The following PCDH9 variants were observed in gnomAD, a reference collection of about 807,000 sequenced individuals.
The protein encoded by PCDH9 is protocadherin 9.
Under a neutral mutation model 70.6 loss-of-function variants are expected in PCDH9, and 24 were observed. That is an observed-to-expected ratio of 0.34 (90% CI 0.25 to 0.48). The LOEUF is 0.48. PCDH9 is among the 20% of genes least tolerant of loss of function. The probability of loss-of-function intolerance (pLI) is 0.99; values close to 1 mark genes in which losing one functional copy is unlikely to be tolerated. For missense variants in PCDH9, 1,281 were observed against 1,503.6 expected (o/e 0.85, Z 2.45); for synonymous variants, 562 against 558.5 (o/e 1.01, Z -0.09).
intron 2 of PCDH9, among the ~76,000 whole-genome samples, chr13:66,961,793 C>T (rs569922262): frequency 6.6e-6 from 1 of 151,990 alleles, no homozygotes; most frequent in South Asian, 2.1e-4. Context: ...TGGCTCATAC[C>T]TGTAATCCCA....
intron 2 of PCDH9, chr13:67,219,680 G>A (rs112549396): frequency 9.2e-5 from 14 of 152,068 alleles, no homozygotes; most frequent in African/African-American, 3.4e-4. Context: ...CTGATATAAT[G>A]GTTAGGGTCC....
At chr13:67,120,790 A>G (rs2086861295) in intron 2 of PCDH9, among the ~76,000 whole-genome samples, 1 of 152,128 alleles carries the variant, frequency 6.6e-6, no homozygotes, top group Non-Finnish European at 1.5e-5. Flanking sequence ...ACACTTTCTC[A>G]TTTATGGACT....
chr13:66,387,471 C>T (rs1447546837), intron 4 of PCDH9, among the ~76,000 whole-genome samples: 1 of 151,764 alleles, frequency 6.6e-6, no homozygotes, highest in Non-Finnish European at 1.5e-5. Flanking sequence ...GGCAGATCCC[C>T]CATGAACGGC....
chr13:66,403,683 A>G (rs1253282088), intron 4 of PCDH9, among the ~76,000 whole-genome samples: 1 of 152,168 alleles, frequency 6.6e-6, no homozygotes, highest in Non-Finnish European at 1.5e-5. Context: ...ACAAAGAATA[A>G]TAGGATCACT....
intron 4 of PCDH9, among the ~76,000 whole-genome samples, chr13:66,560,911 C>T (rs762493198): frequency 6.6e-6 from 1 of 152,186 alleles, no homozygotes; most frequent in Non-Finnish European, 1.5e-5. Context: ...TAGCAGTCCT[C>T]ACAGCCCTGG....
intron 2 of PCDH9, among the ~76,000 whole-genome samples, chr13:66,966,485 A>G (rs1343491753): frequency 6.6e-6 from 1 of 152,124 alleles, no homozygotes; most frequent in Admixed American, 6.6e-5. Flanking sequence ...GAGGCTGCCA[A>G]TAAGGAGGAT....
chr13:66,599,505 A>G (rs1237053706), intron 4 of PCDH9, among the ~76,000 whole-genome samples: 1 of 151,826 alleles, frequency 6.6e-6, no homozygotes, highest in Non-Finnish European at 1.5e-5. Flanking sequence ...TAATTACATT[A>G]TACATCAATT....
chr13:66,513,025 C>T (rs111924743), intron 4 of PCDH9, among the ~76,000 whole-genome samples: 3 of 151,950 alleles, frequency 2.0e-5, no homozygotes, highest in East Asian at 1.9e-4. Flanking sequence ...TGCCATGTTC[C>T]GCAAGCTGGT....
intron 3 of PCDH9, among the ~76,000 whole-genome samples, chr13:66,871,136 G>T (rs1594182759): frequency 6.8e-6 from 1 of 147,932 alleles, no homozygotes; most frequent in African/African-American, 2.5e-5. Context: ...ACTATCGCAA[G>T]AACAAAAAAC....
intron 4 of PCDH9, among the ~76,000 whole-genome samples, chr13:66,338,207 T>G (rs1271830001): frequency 1.3e-5 from 2 of 152,044 alleles, no homozygotes; most frequent in African/African-American, 4.8e-5. Flanking sequence ...GGTGTCCAAT[T>G]AACACATTCC....
chr13:66,934,858 C>A (rs1594281618), intron 2 of PCDH9, among the ~76,000 whole-genome samples: 1 of 147,206 alleles, frequency 6.8e-6, no homozygotes. Flanking sequence ...GTAGCTGGGA[C>A]TACAGGCGCC....
In PCDH9 at chr13:67,127,700, G is replaced by GTGTA. The variant is rs1555310069; in HGVS notation, c.3036+97704_3036+97705insTACA. On this transcript the variant is annotated intron_variant, in intron 2 of 4. Transcript: ENST00000377865. Reference sequence around the variant, plus strand: ...TATGTGTGTGTGTGTGTGTGTGTGTGTATGTGTGTGTGTGTACATATGTAT... The same window carrying GTGTA: ...TATGTGTGTGTGTGTGTGTGTGTGTGTGTATATGTGTGTGTGTGTACATATGTAT... Among the ~76,000 whole-genome samples the GTGTA allele has an allele frequency of 1.1e-3, 160 of 150,994 alleles. 1 individual carries two copies. Among genetic ancestry groups the GTGTA allele is most frequent in the African/African-American group, 3.6e-3 (150 of 41,152 alleles).
intron 3 of PCDH9, among the ~76,000 whole-genome samples, chr13:66,888,108 C>T (rs1163262455): frequency 2.6e-5 from 4 of 152,180 alleles, no homozygotes; most frequent in Admixed American, 6.5e-5. Flanking sequence ...TCACTTGCAT[C>T]TCAGTGAGAG....
chr13:66,780,619 C>T (rs2079983160), intron 3 of PCDH9, among the ~76,000 whole-genome samples: 1 of 152,140 alleles, frequency 6.6e-6, no homozygotes, highest in African/African-American at 2.4e-5. Context: ...TGACCCCTTT[C>T]CACTTTACTC....
intron 2 of PCDH9, chr13:67,220,871 G>A (rs2089709850): frequency 6.6e-6 from 1 of 152,024 alleles, no homozygotes; most frequent in East Asian, 1.9e-4. Flanking sequence ...TATAGCTTAG[G>A]AATATCAAGA....
At position 66,708,140 on chromosome 13, in the gene PCDH9, C is replaced by G. The variant is rs967212564; in HGVS notation, c.3139-76729G>C. 3.2e-3 allele frequency among the ~76,000 whole-genome samples: 487 copies of G among 151,422 alleles called. 1 individual carries two copies. Among genetic ancestry groups the G allele is most frequent in the African/African-American group, 0.011 (465 of 41,448 alleles). On this transcript the variant is annotated intron_variant, in intron 3 of 4. Transcript: ENST00000377865. ...TCTCGGCTCACTGCAAGCTCCGCCT[C>G]CCGGGTTCACGCCATTCTCCTGCCT...
chr13:66,621,068 TTC>T (rs2077415805), intron 4 of PCDH9, among the ~76,000 whole-genome samples: 1 of 152,186 alleles, frequency 6.6e-6, no homozygotes, highest in Non-Finnish European at 1.5e-5. Flanking sequence ...TAATGTAAGT[TTC>T]TAAAAGTTTA....
Position 66,394,575 on chromosome 13 carries a change from A to G in PCDH9, c.3341-89547T>C, listed in dbSNP as rs553910242. Among the ~76,000 whole-genome samples, 13 of 152,304 alleles carry G rather than the reference A, an allele frequency of 8.5e-5. No individual in the cohort carries two copies. In the East Asian group the frequency reaches 2.3e-3, roughly 27 times the overall value. ...GGTGATATAGGCATATTTCAATTTA[A>G]TGTTCTTTCCAAACTATAAAAAAGG... On this transcript the variant is annotated intron_variant, in intron 4 of 4. Coordinates refer to ENST00000377865, the MANE Select transcript of PCDH9 (RefSeq NM_203487.3).
rs567221338 is a variant in PCDH9, at chr13:66,363,092, T to C, written c.3341-58064A>G. The stretch of plus-strand genomic sequence containing the variant: ...TACTCAGGAGGCTGAGGCTTTAGAA[T>C]CGCTTGAACCTAGGAGGCAAAAGTT... On this transcript the variant is annotated intron_variant, in intron 4 of 4. Transcript: ENST00000377865. Among the ~76,000 whole-genome samples the C allele has an allele frequency of 2.0e-5, 3 of 152,248 alleles. No homozygotes were observed. In the South Asian group the frequency reaches 6.2e-4, roughly 32 times the overall value.
Sources: gnomAD v4.1 joint callset for allele counts (sites outside exome capture counted in the v4.1 genomes callset) on GRCh38, gnomAD v4.1.1 for gene constraint, MANE v1.5 for transcripts, NCBI Gene and HGNC (gene_info 2026-07-23, HGNC 2026-07-21) for gene names.